The following CFAP299 variants were observed in gnomAD, a reference collection of about 807,000 sequenced individuals.
CFAP299 encodes cilia- and flagella-associated protein 299.
Under a neutral mutation model 27.0 loss-of-function variants are expected in CFAP299, and 21 were observed. The ratio of observed to expected loss-of-function variants is 0.78; its 90% confidence interval spans 0.55 to 1.12. The LOEUF (loss-of-function observed/expected upper bound fraction) is 1.12. CFAP299 is among the 50% of genes most tolerant of loss of function. The pLI, the probability that CFAP299 is intolerant of heterozygous loss-of-function variation, is 0.00. For synonymous variants in CFAP299, 104 were observed against 98.1 expected (o/e 1.06, Z -0.36); for missense variants, 310 against 276.6 (o/e 1.12, Z -0.86).
intron 2 of CFAP299, among the ~76,000 whole-genome samples, chr4:80,450,621 A>G (rs907555619): frequency 7.9e-5 from 12 of 152,122 alleles, no homozygotes; most frequent in Non-Finnish European, 1.8e-4. Context: ...TACAAGATTT[A>G]CATGAAGAAT....
chr4:80,555,118 A>G (rs758487363), intron 2 of CFAP299, among the ~76,000 whole-genome samples: 11 of 152,110 alleles, frequency 7.2e-5, no homozygotes, highest in Non-Finnish European at 1.5e-4. Flanking sequence ...CCCATTCCGT[A>G]TGATGTTGGC....
chr4:80,344,215 T>G (rs1242792727), intron 1 of CFAP299, among the ~76,000 whole-genome samples: 1 of 151,886 alleles, frequency 6.6e-6, no homozygotes, highest in Non-Finnish European at 1.5e-5. Context: ...AGGAACTAGT[T>G]TTTTGAAAAA....
chr4:80,354,886 A>G (rs941974836), intron 1 of CFAP299, among the ~76,000 whole-genome samples: 1 of 152,154 alleles, frequency 6.6e-6, no homozygotes. Flanking sequence ...GTTCTATGGT[A>G]TATATGTACC....
intron 3 of CFAP299, among the ~76,000 whole-genome samples, chr4:80,708,205 A>G (rs1237072413): frequency 6.6e-6 from 1 of 152,054 alleles, no homozygotes; most frequent in East Asian, 1.9e-4. Context: ...ATGGATACAT[A>G]ATGTTTCCCT....
intron 2 of CFAP299, among the ~76,000 whole-genome samples, chr4:80,497,864 C>T (rs569490566): frequency 6.6e-6 from 1 of 152,078 alleles, no homozygotes; most frequent in Non-Finnish European, 1.5e-5. Flanking sequence ...AAGTATATTA[C>T]AAGGCTGCAG....
intron 3 of CFAP299, among the ~76,000 whole-genome samples, chr4:80,594,689 C>T (rs1334493894): frequency 6.6e-6 from 1 of 151,896 alleles, no homozygotes; most frequent in Non-Finnish European, 1.5e-5. Flanking sequence ...TTTTGCTTTG[C>T]TTGTTTTAAA....
At chr4:80,677,204 C>T (rs75603195) in intron 3 of CFAP299, among the ~76,000 whole-genome samples, 5,746 of 151,902 alleles carry the variant, frequency 0.038, 380 homozygotes, top group African/African-American at 0.13. Context: ...CTTCATTCAC[C>T]CGTTGGTCAT....
intron 4 of CFAP299, among the ~76,000 whole-genome samples, chr4:80,891,311 A>T (rs1410862960): frequency 6.6e-6 from 1 of 151,514 alleles, no homozygotes; most frequent in Non-Finnish European, 1.5e-5. Flanking sequence ...CATTTATTAA[A>T]TAGGGAATCC....
intron 2 of CFAP299, among the ~76,000 whole-genome samples, chr4:80,577,190 A>T (rs1470278438): frequency 6.6e-6 from 1 of 152,206 alleles, no homozygotes. Context: ...TGAATCTAGA[A>T]TAAAACTGAA....
chr4:80,756,824 G>T (rs544377226), intron 3 of CFAP299, among the ~76,000 whole-genome samples: 1 of 152,204 alleles, frequency 6.6e-6, no homozygotes, highest in Admixed American at 6.5e-5. Flanking sequence ...TATCTAGCTA[G>T]ATCAAGATTA....
chr4:80,947,862 T>G (rs1737555584), intron 5 of CFAP299, among the ~76,000 whole-genome samples: 1 of 152,160 alleles, frequency 6.6e-6, no homozygotes, highest in Admixed American at 6.6e-5. Flanking sequence ...ATAAAATTTC[T>G]TATAGACCTA....
At chr4:80,371,143 G>C (rs1260078246) in intron 2 of CFAP299, among the ~76,000 whole-genome samples, 1 of 152,188 alleles carries the variant, frequency 6.6e-6, no homozygotes, top group Non-Finnish European at 1.5e-5. Flanking sequence ...CTGGAACAAT[G>C]GCCTGAGTTA....
chr4:80,796,171 T>C (rs1169247259), intron 3 of CFAP299, among the ~76,000 whole-genome samples: 1 of 152,166 alleles, frequency 6.6e-6, no homozygotes, highest in Non-Finnish European at 1.5e-5. Context: ...GGCATTGTGC[T>C]TCTTTCTTGC....
At chr4:80,456,195 G>A (rs1428186822) in intron 2 of CFAP299, among the ~76,000 whole-genome samples, 1 of 152,038 alleles carries the variant, frequency 6.6e-6, no homozygotes, top group Non-Finnish European at 1.5e-5. Flanking sequence ...GGCTGGAGTG[G>A]GATGATTTAA....
At chr4:80,715,903 A>G (rs1481799064) in intron 3 of CFAP299, among the ~76,000 whole-genome samples, 1 of 152,080 alleles carries the variant, frequency 6.6e-6, no homozygotes. Flanking sequence ...TGTTTTCATC[A>G]AACCTTCTTG....
intron 2 of CFAP299, among the ~76,000 whole-genome samples, chr4:80,406,206 A>G (rs1458279592): frequency 3.3e-5 from 5 of 152,198 alleles, no homozygotes; most frequent in Non-Finnish European, 5.9e-5. Context: ...GTGTCAAACT[A>G]GTATGTGATG....
chr4:80,776,888 A>G (rs1350307481), intron 3 of CFAP299, among the ~76,000 whole-genome samples: 1 of 151,148 alleles, frequency 6.6e-6, no homozygotes, highest in Admixed American at 6.6e-5. Context: ...AAAAAAAAAA[A>G]CCCTCTGGGA....
At chr4:80,888,793 A>C (rs897670948) in intron 4 of CFAP299, among the ~76,000 whole-genome samples, 1 of 152,052 alleles carries the variant, frequency 6.6e-6, no homozygotes, top group African/African-American at 2.4e-5. Context: ...CAATGGAATA[A>C]AACTAGAAAT....
At chr4:80,447,253 A>G (rs1246819666) in intron 2 of CFAP299, among the ~76,000 whole-genome samples, 1 of 141,720 alleles carries the variant, frequency 7.1e-6, no homozygotes, top group African/African-American at 2.7e-5. Flanking sequence ...CTCCTGCCTC[A>G]GCCTCCCAAG....
Sources: allele counts gnomAD v4.1 joint callset (sites outside exome capture counted in the v4.1 genomes callset), GRCh38; gene constraint gnomAD v4.1.1; transcripts MANE v1.5; gene names NCBI Gene and HGNC (gene_info 2026-07-23, HGNC 2026-07-21).